Variants in TMC1 observed in about 807,000 individuals in gnomAD.
TMC1 encodes the protein transmembrane channel-like protein 1.
A neutral mutation model predicts 105.8 loss-of-function variants in TMC1; 84 were observed. The ratio of observed to expected loss-of-function variants is 0.79; its 90% CI spans 0.67 to 0.95. The LOEUF is 0.95. Among genes scored for constraint, TMC1 ranks in the 40% least tolerant of loss-of-function variants. The probability of loss-of-function intolerance (pLI) is 0.00; values close to 1 mark genes in which losing one functional copy is unlikely to be tolerated. For synonymous variants in TMC1, 315 were observed against 311.5 expected, an observed-to-expected ratio of 1.01 and a Z score of -0.12; for missense variants, 817 against 914.1, an observed-to-expected ratio of 0.89 and a Z score of 1.37.
intron 1 of TMC1, among the ~76,000 whole-genome samples, chr9:72,548,123 G>A (rs1423901995): frequency 6.6e-6 from 1 of 152,132 alleles, no homozygotes; most frequent in Non-Finnish European, 1.5e-5. Context: ...AATTTTGGGG[G>A]TACACAAACA....
chr9:72,756,037 A>T (rs980444146), intron 12 of TMC1, among the ~76,000 whole-genome samples: 1 of 152,176 alleles, frequency 6.6e-6, no homozygotes. Flanking sequence ...CAGAACATGC[A>T]AACCTTAAGA....
At chr9:72,710,506 T>C (rs537165907) in intron 8 of TMC1, among the ~76,000 whole-genome samples, 4 of 152,324 alleles carry the variant, frequency 2.6e-5, no homozygotes, top group African/African-American at 9.6e-5. Context: ...GTAGTAATTG[T>C]TTTATAAATT....
intron 2 of TMC1, among the ~76,000 whole-genome samples, chr9:72,582,098 C>CA (rs1237657702): frequency 6.6e-6 from 1 of 152,168 alleles, no homozygotes; most frequent in Non-Finnish European, 1.5e-5. Context: ...GCTGGGATTA[C>CA]AGGCATGCGC....
intron 1 of TMC1, among the ~76,000 whole-genome samples, chr9:72,548,132 C>T (rs1482216341): frequency 6.6e-6 from 1 of 152,198 alleles, no homozygotes; most frequent in African/African-American, 2.4e-5. Flanking sequence ...GGTACACAAA[C>T]ATTCAATCCA....
chr9:72,745,238 C>T lies in TMC1; in HGVS notation c.535+2713C>T, dbSNP rs574586478. Among the ~76,000 whole-genome samples the T allele has an allele frequency of 5.9e-5, 9 of 152,296 alleles. No homozygotes were observed. The South Asian group carries it at 1.5e-3, about 25-fold the overall frequency. On this transcript the variant is annotated intron_variant, in intron 10 of 23. Coordinates refer to ENST00000297784, the MANE Select transcript of TMC1 (RefSeq NM_138691.3). The stretch of plus-strand genomic sequence containing the variant: ...ATCTTCAGTGTTCCTGCAATGTGCA[C>T]ATTAACCTTCCTATTTTATAGTTGT...
chr9:72,544,117 AT>A (rs1210513549), intron 1 of TMC1, among the ~76,000 whole-genome samples: 1 of 151,514 alleles, frequency 6.6e-6, no homozygotes, highest in East Asian at 1.9e-4. Context: ...CACCTCAATA[AT>A]TTTTTGTATT....
chr9:72,583,618 T>A (rs1824506654), intron 2 of TMC1, among the ~76,000 whole-genome samples: 1 of 152,224 alleles, frequency 6.6e-6, no homozygotes, highest in Non-Finnish European at 1.5e-5. Context: ...AGCAATGGCA[T>A]GTTTTCTTTT....
rs563015612 is a variant in TMC1, at chr9:72,748,487, G to A, written c.536-3363G>A. On this transcript the variant is annotated intron_variant, in intron 10 of 23. Coordinates refer to ENST00000297784, the MANE Select transcript of TMC1 (RefSeq NM_138691.3). ...AGCATAATGAGTTGATGCTGATAAA[G>A]TTCTTGGAACACATAACTGACCATC... 2.0e-3 allele frequency among the ~76,000 whole-genome samples: 298 copies of A among 152,190 alleles called. 1 individual carries two copies. Among genetic ancestry groups the A allele is most frequent in the Middle Eastern group, 6.8e-3 (2 of 294 alleles).
chr9:72,605,692 C>T (rs1754169617), intron 2 of TMC1, among the ~76,000 whole-genome samples: 1 of 151,404 alleles, frequency 6.6e-6, no homozygotes, highest in Non-Finnish European at 1.5e-5. Flanking sequence ...TCTCCTGCCT[C>T]AGCCTCCCAA....
At chr9:72,764,358 A>G (rs1484642353) in intron 12 of TMC1, among the ~76,000 whole-genome samples, 1 of 152,180 alleles carries the variant, frequency 6.6e-6, no homozygotes. Context: ...CCAGAAGTCA[A>G]CCAGCCAACA....
chr9:72,708,595 A>G (rs1056055161), intron 8 of TMC1, among the ~76,000 whole-genome samples: 1 of 151,940 alleles, frequency 6.6e-6, no homozygotes, highest in African/African-American at 2.4e-5. Flanking sequence ...CAGCAGAGCT[A>G]CTGATTTGTG....
chr9:72,836,438 T>C lies in TMC1; in HGVS notation c.*465T>C, dbSNP rs1829127457. 6.0e-6 allele frequency: 1 copy of C among 166,124 alleles called. No homozygotes were observed. Among genetic ancestry groups the C allele is most frequent in the Non-Finnish European group, 1.3e-5 (1 of 76,218 alleles). 10.3% of individuals were successfully genotyped at this position (166,124 alleles called of 1,614,324 possible). A position where few individuals can be genotyped will look rare whatever the true frequency, so the allele number is the denominator to read the frequency against. On this transcript the variant is annotated 3_prime_UTR_variant, in exon 24 of 24. Transcript: ENST00000297784. ...TTGCAAAAAGTACTCATTGTAATCATTCATTAACTCACTTTTTGAAACCAA... is the reference window on the plus strand; with the variant it reads ...TTGCAAAAAGTACTCATTGTAATCACTCATTAACTCACTTTTTGAAACCAA...
chr9:72,739,906 G>A (rs1456289455), intron 8 of TMC1, among the ~76,000 whole-genome samples: 1 of 152,156 alleles, frequency 6.6e-6, no homozygotes, highest in East Asian at 1.9e-4. Context: ...ATTAGTAAGT[G>A]AGACTAAAAT....
intron 1 of TMC1, among the ~76,000 whole-genome samples, chr9:72,547,773 C>T (rs182658186): frequency 5.3e-4 from 81 of 152,272 alleles, no homozygotes; most frequent in East Asian, 3.9e-3. Context: ...TTCTATACCC[C>T]CCATGAACCT....
chr9:72,669,224 G>A (rs148348562), intron 5 of TMC1, among the ~76,000 whole-genome samples: 56 of 152,220 alleles, frequency 3.7e-4, no homozygotes, highest in African/African-American at 1.3e-3. Context: ...CAGGAGGATC[G>A]CTTGAACCTG....
At chr9:72,663,392 G>T (rs1205992505) in intron 5 of TMC1, among the ~76,000 whole-genome samples, 1 of 152,216 alleles carries the variant, frequency 6.6e-6, no homozygotes, top group Non-Finnish European at 1.5e-5. Context: ...AATTGGGGAA[G>T]TTGCAAATCT....
chr9:72,742,633 AACAAACAAACAAAC>A, intron 10 of TMC1, 108 bp downstream of exon 10: 1 of 560,362 alleles, frequency 1.8e-6, no homozygotes, highest in South Asian at 3.0e-5. Flanking sequence ...ACTAGAAACA[AACAAACAAACAAAC>A]AAAAACCAAA....
At chr9:72,586,579 G>A (rs1438360393) in intron 2 of TMC1, among the ~76,000 whole-genome samples, 2 of 152,202 alleles carry the variant, frequency 1.3e-5, no homozygotes, top group African/African-American at 4.8e-5. Flanking sequence ...AATGAGAGGT[G>A]TGAGATGGAG....
At chr9:72,803,000 A>T (rs1828502160) in intron 17 of TMC1, among the ~76,000 whole-genome samples, 1 of 152,224 alleles carries the variant, frequency 6.6e-6, no homozygotes, top group Non-Finnish European at 1.5e-5. Flanking sequence ...AGGCTATAGT[A>T]ATCAAAACAG....
Sources: gnomAD v4.1 joint callset for allele counts (sites outside exome capture counted in the v4.1 genomes callset) on GRCh38, gnomAD v4.1.1 for gene constraint, MANE v1.5 for transcripts, NCBI Gene and HGNC (gene_info 2026-07-23, HGNC 2026-07-21) for gene names.